Variants in LRRC37A2 observed in about 807,000 individuals in gnomAD.
LRRC37A2 encodes the protein leucine rich repeat containing 37 member A2.
A neutral mutation model predicts 68.8 loss-of-function variants in LRRC37A2; 9 were observed. The observed-to-expected ratio is 0.13, with a 90% CI of 0.08 to 0.23. The LOEUF is 0.23. LRRC37A2 is among the 10% of genes least tolerant of loss of function. The probability of loss-of-function intolerance (pLI) is 1.00; values close to 1 mark genes in which losing one functional copy is unlikely to be tolerated. For synonymous variants in LRRC37A2, 63 were observed against 367.6 expected, an observed-to-expected ratio of 0.17 and a Z score of 9.48; for missense variants, 168 against 950.4, an observed-to-expected ratio of 0.18 and a Z score of 10.82.
chr17:46,626,041 C>T, the LRRC37A2 span, among the ~76,000 whole-genome samples: 1 of 147,110 alleles, frequency 6.8e-6, no homozygotes, highest in Non-Finnish European at 1.5e-5. Context: ...GGAATTAGCA[C>T]AAAATTTTTT....
chr17:46,529,119 C>T (rs1233930318), intron 6 of LRRC37A2, among the ~76,000 whole-genome samples: 1 of 133,318 alleles, frequency 7.5e-6, no homozygotes, highest in Non-Finnish European at 1.6e-5. Context: ...TGCTCCAGTC[C>T]TTTCATCTCT....
At chr17:47,015,299 C>T in the LRRC37A2 span, among the ~76,000 whole-genome samples, 1 of 152,168 alleles carries the variant, frequency 6.6e-6, no homozygotes, top group Non-Finnish European at 1.5e-5. Flanking sequence ...TGAGCCACTG[C>T]GCCCAGGCCC....
At chr17:46,859,454 G>A in the LRRC37A2 span, among the ~76,000 whole-genome samples, 3 of 152,284 alleles carry the variant, frequency 2.0e-5, no homozygotes, top group South Asian at 2.1e-4. Flanking sequence ...GATTCAATAT[G>A]TGTGGGCCTA....
chr17:46,788,560 A>G, the LRRC37A2 span, among the ~76,000 whole-genome samples: 4 of 152,244 alleles, frequency 2.6e-5, no homozygotes, highest in Admixed American at 6.5e-5. Context: ...AATGTCTCCA[A>G]TTCAAATTGT....
chr17:46,787,779 C>T, the LRRC37A2 span, among the ~76,000 whole-genome samples: 64 of 152,258 alleles, frequency 4.2e-4, no homozygotes, highest in African/African-American at 1.3e-3. Flanking sequence ...CATGGCGAAA[C>T]GCCTGTCTCT....
At chr17:46,558,448 G>A (rs2057406116), downstream of LRRC37A2, among the ~76,000 whole-genome samples, 1 of 114,672 alleles carries the variant, frequency 8.7e-6, no homozygotes, top group South Asian at 2.6e-4. Context: ...GTGCAGCAGC[G>A]TGATCTCGGT....
chr17:46,761,581 C>A, the LRRC37A2 span, among the ~76,000 whole-genome samples: 3 of 152,078 alleles, frequency 2.0e-5, no homozygotes, highest in African/African-American at 4.8e-5. Context: ...GTGATCCACC[C>A]ACCTCGGCCT....
the LRRC37A2 span, among the ~76,000 whole-genome samples, chr17:46,900,724 G>A: frequency 1.1e-4 from 16 of 152,354 alleles, no homozygotes; most frequent in African/African-American, 3.8e-4. Flanking sequence ...TATAATACTA[G>A]CTAATCTTTA....
chr17:46,710,910 G>A, the LRRC37A2 span: 1 of 1,490,780 alleles, frequency 6.7e-7, no homozygotes. Context: ...CTTTTATACT[G>A]TTAGTTTTTA....
chr17:46,775,644 C>T, the LRRC37A2 span, among the ~76,000 whole-genome samples: 1 of 139,594 alleles, frequency 7.2e-6, no homozygotes, highest in Admixed American at 7.3e-5. Context: ...GACAGAGTCT[C>T]GCTGTGTCAC....
chr17:46,907,444 T>A, the LRRC37A2 span, among the ~76,000 whole-genome samples: 1 of 133,118 alleles, frequency 7.5e-6, no homozygotes, highest in Non-Finnish European at 1.7e-5. Flanking sequence ...GGTGGGAAGG[T>A]CTGTTGGTCC....
the LRRC37A2 span, among the ~76,000 whole-genome samples, chr17:46,803,612 C>T: frequency 6.6e-6 from 1 of 152,224 alleles, no homozygotes; most frequent in South Asian, 2.1e-4. Context: ...GGCTAGGTTA[C>T]CTGATAAAGT....
chr17:46,832,084 C>A, the LRRC37A2 span, among the ~76,000 whole-genome samples: 5 of 152,200 alleles, frequency 3.3e-5, no homozygotes, highest in African/African-American at 4.8e-5. Context: ...GCACTATTGG[C>A]AGGCTCCAGG....
chr17:46,726,829 C>G, the LRRC37A2 span, among the ~76,000 whole-genome samples: 1 of 152,176 alleles, frequency 6.6e-6, no homozygotes, highest in Admixed American at 6.5e-5. Context: ...CCATTATAAA[C>G]TGCTTTCTTG....
the LRRC37A2 span, among the ~76,000 whole-genome samples, chr17:46,900,202 T>TACATACATATATATATACACACACAC: frequency 1.8e-3 from 186 of 101,136 alleles, 7 homozygotes; most frequent in African/African-American, 8.0e-3. Context: ...TATATATATA[T>TACATACATATATATATACACACACAC]ACACACACAC....
chr17:46,817,235 A>G, the LRRC37A2 span, among the ~76,000 whole-genome samples: 336 of 151,944 alleles, frequency 2.2e-3, no homozygotes, highest in African/African-American at 7.8e-3. Flanking sequence ...CCTACCCTGG[A>G]CTCTGGGTTG....
chr17:46,868,329 T>A, the LRRC37A2 span, among the ~76,000 whole-genome samples: 1 of 152,192 alleles, frequency 6.6e-6, no homozygotes, highest in African/African-American at 2.4e-5. Flanking sequence ...TGGTGGCTCA[T>A]GCCTGTAATC....
At chr17:46,758,520 C>T in the LRRC37A2 span, among the ~76,000 whole-genome samples, 2 of 152,148 alleles carry the variant, frequency 1.3e-5, no homozygotes, top group Non-Finnish European at 2.9e-5. Flanking sequence ...AATTGTTAAC[C>T]GGCTATTTTT....
the LRRC37A2 span, among the ~76,000 whole-genome samples, chr17:46,995,291 C>T: frequency 1.3e-5 from 2 of 152,186 alleles, no homozygotes. Flanking sequence ...TACAGCCGAG[C>T]CCCCTGGGCC....
Sources: gnomAD v4.1 joint callset for allele counts (sites outside exome capture counted in the v4.1 genomes callset) on GRCh38, gnomAD v4.1.1 for gene constraint, MANE v1.5 for transcripts, NCBI Gene and HGNC (gene_info 2026-07-23, HGNC 2026-07-21) for gene names.